Variants in ZCWPW2 observed in about 807,000 individuals in gnomAD.
ZCWPW2 encodes zinc finger CW-type and PWWP domain containing 2.
Under a neutral mutation model 46.6 loss-of-function variants are expected in ZCWPW2, and 45 were observed. The ratio of observed to expected loss-of-function variants is 0.96; its 90% CI spans 0.76 to 1.24. ZCWPW2 has a LOEUF of 1.24. Ranked by LOEUF, ZCWPW2 falls within the 50% of genes most tolerant of loss-of-function variation. ZCWPW2 has a pLI of 0.00. For synonymous variants in ZCWPW2, 152 were observed against 137.1 expected (o/e 1.11, Z -0.76); for missense variants, 429 against 403.9 (o/e 1.06, Z -0.53).
intron 3 of ZCWPW2, among the ~76,000 whole-genome samples, chr3:28,430,825 G>C (rs1697225484): frequency 6.6e-6 from 1 of 152,022 alleles, no homozygotes; most frequent in East Asian, 1.9e-4. Context: ...TCTCTCTCCT[G>C]CTGCCATGTG....
intron 2 of ZCWPW2, among the ~76,000 whole-genome samples, chr3:28,399,351 C>T (rs1695834487): frequency 6.6e-6 from 1 of 152,134 alleles, no homozygotes; most frequent in South Asian, 2.1e-4. Context: ...CCTACCCACC[C>T]TGGTAACGGA....
rs1177054252 is a variant in ZCWPW2, at chr3:28,524,641, A to G, written c.1024A>G (p.Ile342Val). The G allele has an allele frequency of 6.3e-7, 1 of 1,588,938 alleles. No individual in the cohort carries two copies. Among genetic ancestry groups the G allele is most frequent in the East Asian group, 2.3e-5 (1 of 44,066 alleles). ...AAAAGCTGGAGAATGTATTGAGGATATAACTAATAAATTTAAAGAAATAGA... is the reference window on the plus strand; with the variant it reads ...AAAAGCTGGAGAATGTATTGAGGATGTAACTAATAAATTTAAAGAAATAGA... ...KLKAGECIED[I>V]TNKFKEIDAL... Residue 342 changes from isoleucine (I) to valine (V), a missense_variant, in exon 10 of 10, where the codon ATA (isoleucine) becomes GTA (valine). Physicochemically the swap from Ile to Val is conservative, Grantham distance 29 (BLOSUM62 3). Coordinates refer to ENST00000383768, the MANE Select transcript of ZCWPW2 (RefSeq NM_001040432.4).
intron 3 of ZCWPW2, among the ~76,000 whole-genome samples, chr3:28,433,917 G>GTTTTTTT (rs71295064): frequency 7.1e-6 from 1 of 140,736 alleles, no homozygotes; most frequent in East Asian, 2.1e-4. Context: ...TTCCACCCCA[G>GTTTTTTT]TTTTTTTTTT....
At chr3:28,401,077 G>A (rs1695908780) in intron 2 of ZCWPW2, among the ~76,000 whole-genome samples, 1 of 151,994 alleles carries the variant, frequency 6.6e-6, no homozygotes, top group Non-Finnish European at 1.5e-5. Flanking sequence ...TACTCGGGAG[G>A]CTGAGGCAGG....
chr3:28,446,406 A>G (rs1697993006), intron 4 of ZCWPW2, among the ~76,000 whole-genome samples: 1 of 152,166 alleles, frequency 6.6e-6, no homozygotes, highest in Non-Finnish European at 1.5e-5. Flanking sequence ...CCCCAAGACA[A>G]CCAATGAATC....
rs143381487 is a variant in ZCWPW2, at chr3:28,501,676, A to C, written c.657+9503A>C. Among the ~76,000 whole-genome samples the C allele has an allele frequency of 2.2e-4, 33 of 152,322 alleles. No homozygotes were observed. In the East Asian group the frequency reaches 6.4e-3, roughly 29 times the overall value. ...TCAAAATAAAGAATTTTCCTTACCC[A>C]GAAAGTTTCCTCATGTAAATTGTTA... On this transcript the variant is annotated intron_variant, in intron 6 of 9. Coordinates refer to ENST00000383768, the MANE Select transcript of ZCWPW2 (RefSeq NM_001040432.4).
chr3:28,479,017 T>A (rs1699333386), intron 5 of ZCWPW2, 86 bp downstream of exon 5: 1 of 830,088 alleles, frequency 1.2e-6, no homozygotes, highest in Admixed American at 2.9e-5. Flanking sequence ...CATTCAAAAA[T>A]CTCTATCTCT....
chr3:28,432,638 T>C (rs913944270), intron 3 of ZCWPW2, among the ~76,000 whole-genome samples: 1 of 152,146 alleles, frequency 6.6e-6, no homozygotes, highest in Non-Finnish European at 1.5e-5. Flanking sequence ...CCATGGATGG[T>C]TTTAGCCTAA....
chr3:28,391,290 C>T (rs1345059247), intron 2 of ZCWPW2, among the ~76,000 whole-genome samples: 1 of 148,778 alleles, frequency 6.7e-6, no homozygotes, highest in Non-Finnish European at 1.5e-5. Flanking sequence ...AGCAGGCAGT[C>T]ATGCCAGCAA....
chr3:28,380,393 TC>T (rs1322489952), intron 1 of ZCWPW2, among the ~76,000 whole-genome samples: 3 of 152,190 alleles, frequency 2.0e-5, no homozygotes, highest in Non-Finnish European at 4.4e-5. Flanking sequence ...TCTTTGCATT[TC>T]CTCACTTCCA....
chr3:28,500,806 A>G (rs1700121024), intron 6 of ZCWPW2, among the ~76,000 whole-genome samples: 1 of 152,178 alleles, frequency 6.6e-6, no homozygotes, highest in Non-Finnish European at 1.5e-5. Flanking sequence ...TTCCCAGAAG[A>G]TAAATATATT....
At chr3:28,470,968 C>T (rs369642515) in intron 4 of ZCWPW2, among the ~76,000 whole-genome samples, 1 of 152,048 alleles carries the variant, frequency 6.6e-6, no homozygotes, top group South Asian at 2.1e-4. Context: ...TTAGTGGCTA[C>T]CATGAGCAAC....
intron 6 of ZCWPW2, 59 bp downstream of exon 6, chr3:28,492,232 C>A: frequency 2.9e-6 from 4 of 1,391,860 alleles, no homozygotes; most frequent in South Asian, 1.4e-5. Flanking sequence ...TAACACTATT[C>A]TTTAAAGAAA....
At position 28,524,808 on chromosome 3, in the gene ZCWPW2, G is replaced by T; in HGVS notation, c.*120G>T. 1 of 856,386 alleles carries T rather than the reference G, an allele frequency of 1.2e-6. No homozygotes were observed. The highest frequency in any genetic ancestry group is 1.6e-6 in the Non-Finnish European group (1 of 636,596). 53.0% of individuals were successfully genotyped at this position (856,386 alleles called of 1,614,324 possible). Reference sequence around the variant, plus strand: ...AAATTATACCAAAGTTTATATTTGCGGTAACTTTCTACTTCATATTTTGAG... The same window carrying T: ...AAATTATACCAAAGTTTATATTTGCTGTAACTTTCTACTTCATATTTTGAG... On this transcript the variant is annotated 3_prime_UTR_variant, in exon 10 of 10. Transcript: ENST00000383768.
rs1290243780 is a variant in ZCWPW2 at position 28,349,175 on chromosome 3, G to A, written c.-162G>A. On this transcript the variant is annotated 5_prime_UTR_variant, in exon 1 of 10. Coordinates refer to ENST00000383768, the MANE Select transcript of ZCWPW2 (RefSeq NM_001040432.4). ...GCGGGACGGGGCGGGGCCGCGGGACGCCAGGAGGCGGAGGCGGAGTGGAGT... is the reference window on the plus strand; with the variant it reads ...GCGGGACGGGGCGGGGCCGCGGGACACCAGGAGGCGGAGGCGGAGTGGAGT... 5 of 985,574 alleles carry A rather than the reference G, an allele frequency of 5.1e-6. No individual in the cohort carries two copies. Among genetic ancestry groups the A allele is most frequent in the Non-Finnish European group, 4.8e-6 (4 of 830,162 alleles). 61.1% of individuals were successfully genotyped at this position (985,574 alleles called of 1,614,324 possible). A position where few individuals can be genotyped will look rare whatever the true frequency, so the allele number is the denominator to read the frequency against.
intron 6 of ZCWPW2, among the ~76,000 whole-genome samples, chr3:28,511,364 A>T (rs1005462844): frequency 6.6e-6 from 1 of 152,240 alleles, no homozygotes; most frequent in Non-Finnish European, 1.5e-5. Flanking sequence ...TTTTAAATGG[A>T]AAGTACTTAA....
At chr3:28,466,172 C>T (rs1339691545) in intron 4 of ZCWPW2, among the ~76,000 whole-genome samples, 1 of 152,066 alleles carries the variant, frequency 6.6e-6, no homozygotes, top group Non-Finnish European at 1.5e-5. Context: ...CCAGGGCCTA[C>T]TTGAGGCAAT....
At chr3:28,405,199 C>G (rs993053370) in intron 2 of ZCWPW2, among the ~76,000 whole-genome samples, 7 of 152,304 alleles carry the variant, frequency 4.6e-5, no homozygotes, top group African/African-American at 1.4e-4. Flanking sequence ...GATCTTTCCA[C>G]ATAATATTGC....
intron 8 of ZCWPW2, among the ~76,000 whole-genome samples, chr3:28,517,501 G>GA (rs1474311985): frequency 6.6e-6 from 1 of 152,068 alleles, no homozygotes; most frequent in Admixed American, 6.5e-5. Flanking sequence ...GATTTCATGA[G>GA]AACTCACTCA....
Sources: gnomAD v4.1 joint callset for allele counts (sites outside exome capture counted in the v4.1 genomes callset) on GRCh38, gnomAD v4.1.1 for gene constraint, MANE v1.5 for transcripts, NCBI Gene and HGNC (gene_info 2026-07-23, HGNC 2026-07-21) for gene names.